Variants in NCKAP5 observed in about 807,000 individuals in gnomAD.
The protein encoded by NCKAP5 is NCK associated protein 5, also known as nck-associated protein 5.
NCKAP5 carries 92 observed loss-of-function variants against 167.0 expected under a neutral mutation model. That is an observed-to-expected ratio of 0.55 (90% CI 0.47 to 0.66). The LOEUF is 0.66. Ranked by LOEUF, NCKAP5 falls within the 30% of genes least tolerant of loss-of-function variation. The pLI, the probability that NCKAP5 is intolerant of heterozygous loss-of-function variation, is 0.00. For synonymous variants in NCKAP5, 891 were observed against 877.4 expected, an observed-to-expected ratio of 1.02 and a Z score of -0.27; for missense variants, 2,378 against 2,315.0, an observed-to-expected ratio of 1.03 and a Z score of -0.56.
intron 19 of NCKAP5, among the ~76,000 whole-genome samples, chr2:132,698,216 C>A (rs1332836735): frequency 6.6e-6 from 1 of 152,044 alleles, no homozygotes; most frequent in Admixed American, 6.6e-5. Flanking sequence ...ATTTTAGGAC[C>A]CCATCATGCA....
chr2:133,067,672 C>T (rs1248218418), intron 6 of NCKAP5, among the ~76,000 whole-genome samples: 5 of 152,068 alleles, frequency 3.3e-5, no homozygotes, highest in Non-Finnish European at 5.9e-5. Flanking sequence ...AAGTTTTAGC[C>T]ACAGCATAGC....
intron 3 of NCKAP5, among the ~76,000 whole-genome samples, chr2:133,501,523 TC>T (rs1682512354): frequency 6.6e-6 from 1 of 152,260 alleles, no homozygotes; most frequent in African/African-American, 2.4e-5. Context: ...TAGCTGAGAT[TC>T]CAGCAATTTC....
intron 3 of NCKAP5, among the ~76,000 whole-genome samples, chr2:133,463,643 A>C (rs1301926905): frequency 6.6e-6 from 1 of 152,240 alleles, no homozygotes; most frequent in African/African-American, 2.4e-5. Context: ...TGAGATACTT[A>C]AGTGGGCATC....
At position 132,785,213 on chromosome 2, in the gene NCKAP5, C is replaced by T. The variant is rs755256419; in HGVS notation, c.1598G>A (p.Arg533Lys). The T allele has an allele frequency of 6.4e-7, 1 of 1,572,644 alleles. No homozygotes were observed. The highest frequency in any genetic ancestry group is 2.2e-5 in the East Asian group (1 of 44,584). Residue 533 changes from arginine to lysine, a missense_variant, in exon 14 of 20, where the codon AGG becomes AAG. This residue lies in a region of NCKAP5 where 1,049 missense variants were observed against 1,023.4 expected (regional missense o/e 1.02). Transcript: ENST00000409261. ...GGCGCAACTTGTCAGCTTTTCAGGCCTTTCCTTGGGATAAACTGAGGATGT... is the reference window on the plus strand; with the variant it reads ...GGCGCAACTTGTCAGCTTTTCAGGCTTTTCCTTGGGATAAACTGAGGATGT... ...EGTSSVYPKE[R>K]PEKLTSCASS... is the part of the protein sequence containing the mutation.
At chr2:133,126,579 C>A (rs1299880458) in intron 6 of NCKAP5, among the ~76,000 whole-genome samples, 1 of 152,156 alleles carries the variant, frequency 6.6e-6, no homozygotes, top group Non-Finnish European at 1.5e-5. Flanking sequence ...GCAGCCCTTG[C>A]AAGAATTAAT....
chr2:132,762,994 A>G (rs921444075), intron 16 of NCKAP5, among the ~76,000 whole-genome samples: 2 of 152,186 alleles, frequency 1.3e-5, no homozygotes, highest in Non-Finnish European at 2.9e-5. Flanking sequence ...TTGGTTGTCT[A>G]TCCTTTCATA....
chr2:133,378,056 T>C (rs1490440293), intron 3 of NCKAP5, among the ~76,000 whole-genome samples: 1 of 152,172 alleles, frequency 6.6e-6, no homozygotes, highest in Non-Finnish European at 1.5e-5. Context: ...ACAATCCCCA[T>C]AAAAAGATAC....
chr2:133,454,772 C>T (rs978802214), intron 3 of NCKAP5, among the ~76,000 whole-genome samples: 19 of 151,920 alleles, frequency 1.3e-4, no homozygotes, highest in Admixed American at 2.6e-4. Flanking sequence ...GTTTTTCTTT[C>T]GAACTCAAAA....
At chr2:133,122,198 A>G (rs1227062719) in intron 6 of NCKAP5, 1 of 152,176 alleles carries the variant, frequency 6.6e-6, no homozygotes, top group Non-Finnish European at 1.5e-5. Context: ...TAAACTATAA[A>G]CGTAAGAAAA....
chr2:133,145,260 T>A (rs1477006936), intron 5 of NCKAP5, among the ~76,000 whole-genome samples: 1 of 152,044 alleles, frequency 6.6e-6, no homozygotes, highest in African/African-American at 2.4e-5. Flanking sequence ...ATTTACTATG[T>A]GCTATTTAAT....
rs1401947056 is a variant in NCKAP5, at chr2:132,738,709, G to C, written c.5129-6658C>G. Reference sequence around the variant, plus strand: ...AGAGATATATTTCATAATTCTGCATGATGCTGACATCTGCTCAGCTTCTGG... The same window carrying C: ...AGAGATATATTTCATAATTCTGCATCATGCTGACATCTGCTCAGCTTCTGG... On this transcript the variant is annotated intron_variant, in intron 16 of 19. Transcript: ENST00000409261. 2.0e-5 allele frequency among the ~76,000 whole-genome samples: 3 copies of C among 152,178 alleles called. No homozygotes were observed. The East Asian group carries it at 5.8e-4, about 29-fold the overall frequency.
chr2:132,821,742 G>A (rs533581519), intron 11 of NCKAP5, among the ~76,000 whole-genome samples: 12 of 152,104 alleles, frequency 7.9e-5, no homozygotes, highest in Non-Finnish European at 1.0e-4. Flanking sequence ...GGAGCTGGGT[G>A]AGGCTATCCC....
intron 6 of NCKAP5, among the ~76,000 whole-genome samples, chr2:133,046,392 T>C (rs2079399511): frequency 6.6e-6 from 1 of 152,134 alleles, no homozygotes; most frequent in Non-Finnish European, 1.5e-5. Flanking sequence ...ATTATTTATT[T>C]ATTTTGAGAC....
Position 133,200,061 on chromosome 2 carries a change from C to CTTTTTTTTTTTTTTTTTTTT in NCKAP5, c.207+13654_207+13655insAAAAAAAAAAAAAAAAAAAA, listed in dbSNP as rs70973417. Reference sequence around the variant, plus strand: ...ATCCCAGTTGGCTTTTTTTTTCTTTCTTTTTTTTTTTTTTTTTTGCAGAAA... The same window carrying CTTTTTTTTTTTTTTTTTTTT: ...ATCCCAGTTGGCTTTTTTTTTCTTTCTTTTTTTTTTTTTTTTTTTTTTTTTTTTTTTTTTTTTTGCAGAAA... On this transcript the variant is annotated intron_variant, in intron 5 of 19. Coordinates refer to ENST00000409261, the MANE Select transcript of NCKAP5 (RefSeq NM_207363.3). Among the ~76,000 whole-genome samples the CTTTTTTTTTTTTTTTTTTTT allele has an allele frequency of 5.2e-3, 564 of 109,140 alleles. 4 individuals carry two copies. Among genetic ancestry groups the CTTTTTTTTTTTTTTTTTTTT allele is most frequent in the Non-Finnish European group, 6.6e-3 (368 of 56,056 alleles). The allele number at this position is 109,140 out of a possible 152,430, so 71.6% of individuals were successfully genotyped here. A position where few individuals can be genotyped will look rare whatever the true frequency, so the allele number is the denominator to read the frequency against.
At position 133,283,538 on chromosome 2, in the gene NCKAP5, A is replaced by C. The variant is rs184049719; in HGVS notation, c.143+19499T>G. Among the ~76,000 whole-genome samples, 53 of 152,296 alleles carry C rather than the reference A, an allele frequency of 3.5e-4. No individual in the cohort carries two copies. In the East Asian group the frequency reaches 9.4e-3, roughly 27 times the overall value. ...TGTTAATTTTATTTCTGTAATCTTTAAATGTAAGCGCTACAGTTCACATTT... is the reference window on the plus strand; with the variant it reads ...TGTTAATTTTATTTCTGTAATCTTTCAATGTAAGCGCTACAGTTCACATTT... On this transcript the variant is annotated intron_variant, in intron 4 of 19. Coordinates refer to ENST00000409261, the MANE Select transcript of NCKAP5 (RefSeq NM_207363.3).
chr2:133,575,341 A>G, the NCKAP5 span, among the ~76,000 whole-genome samples: 1 of 152,194 alleles, frequency 6.6e-6, no homozygotes, highest in Non-Finnish European at 1.5e-5. Context: ...AATCTACTGG[A>G]TTTGGGAAAT....
chr2:133,213,067 G>A (rs1025575196), intron 5 of NCKAP5, among the ~76,000 whole-genome samples: 1 of 152,172 alleles, frequency 6.6e-6, no homozygotes, highest in African/African-American at 2.4e-5. Flanking sequence ...AGCAACAGCA[G>A]TTACTCCACG....
intron 5 of NCKAP5, among the ~76,000 whole-genome samples, chr2:133,182,531 G>T (rs1452238880): frequency 1.3e-5 from 2 of 152,162 alleles, no homozygotes; most frequent in African/African-American, 4.8e-5. Flanking sequence ...AATAATTTAT[G>T]TGTCAAACAA....
intron 8 of NCKAP5, among the ~76,000 whole-genome samples, chr2:132,938,964 T>A (rs1265981772): frequency 6.6e-6 from 1 of 151,578 alleles, no homozygotes; most frequent in Admixed American, 6.6e-5. Flanking sequence ...TTTTTAGAGG[T>A]TTTCAATTGA....
Sources: allele counts gnomAD v4.1 joint callset (sites outside exome capture counted in the v4.1 genomes callset), GRCh38; gene constraint gnomAD v4.1.1; regional missense constraint gnomAD v4.1.1; transcripts MANE v1.5; gene names NCBI Gene and HGNC (gene_info 2026-07-23, HGNC 2026-07-21).